SNX29: variants seen among roughly 807,000 people sequenced by gnomAD.
The protein encoded by SNX29 is sorting nexin 29, also known as sorting nexin-29.
SNX29 carries 78 observed loss-of-function variants against 102.1 expected under a neutral mutation model. That is an observed-to-expected ratio of 0.76 (90% CI 0.64 to 0.92). The LOEUF (loss-of-function observed/expected upper bound fraction) is 0.92, where lower values mean the gene tolerates loss of function less well. SNX29 is among the 40% of genes least tolerant of loss of function. The probability of loss-of-function intolerance (pLI) is 0.00; values close to 1 mark genes in which losing one functional copy is unlikely to be tolerated. For synonymous variants in SNX29, 580 were observed against 414.5 expected, an observed-to-expected ratio of 1.40 and a Z score of -4.85; for missense variants, 1,280 against 1,061.7, an observed-to-expected ratio of 1.21 and a Z score of -2.86.
chr16:12,297,633 G>A (rs1474143362), intron 15 of SNX29, among the ~76,000 whole-genome samples: 1 of 152,102 alleles, frequency 6.6e-6, no homozygotes, highest in East Asian at 1.9e-4. Context: ...GGTGATGGAT[G>A]TGTTAATTTA....
chr16:12,424,087 C>A (rs1315050040), intron 18 of SNX29, among the ~76,000 whole-genome samples: 6 of 152,210 alleles, frequency 3.9e-5, no homozygotes, highest in Non-Finnish European at 7.3e-5. Context: ...GTTAGAGCCT[C>A]AGAGGCGTGA....
chr16:12,230,712 A>C (rs1261949799), intron 14 of SNX29, among the ~76,000 whole-genome samples: 2 of 152,196 alleles, frequency 1.3e-5, no homozygotes, highest in South Asian at 2.1e-4. Flanking sequence ...ACCAAATCCA[A>C]AGTGAATACG....
In SNX29 at chr16:11,976,896, C is replaced by T. The variant is rs2055312254; in HGVS notation, c.7+83C>T. On this transcript the variant is annotated intron_variant, in intron 1 of 20. Coordinates refer to ENST00000566228, the MANE Select transcript of SNX29 (RefSeq NM_032167.5). ...AGCTGCACACTCCGGCCCCTGCGTC[C>T]TCGCGCCCCGCTCCCTCGCAGACCC... 8.6e-6 allele frequency: 11 copies of T among 1,285,768 alleles called. No homozygotes were observed. The East Asian group carries it at 3.5e-4, about 40-fold the overall frequency. The allele number at this position is 1,285,768 out of a possible 1,614,324, so 79.6% of individuals were successfully genotyped here. A position where few individuals can be genotyped will look rare whatever the true frequency, so the allele number is the denominator to read the frequency against.
At chr16:12,308,538 C>T (rs1048242371) in intron 15 of SNX29, among the ~76,000 whole-genome samples, 7 of 152,264 alleles carry the variant, frequency 4.6e-5, no homozygotes, top group Admixed American at 4.6e-4. Context: ...ATCCCTCCTT[C>T]ATGTTTGTCA....
chr16:12,567,649 C>G (rs1026581587), intron 20 of SNX29, among the ~76,000 whole-genome samples: 3 of 152,154 alleles, frequency 2.0e-5, no homozygotes, highest in African/African-American at 7.2e-5. Context: ...ATAGTCCCAG[C>G]TGCTCAGGAG....
chr16:12,198,066 G>A (rs893388008), intron 13 of SNX29, among the ~76,000 whole-genome samples: 1 of 152,184 alleles, frequency 6.6e-6, no homozygotes, highest in East Asian at 1.9e-4. Flanking sequence ...GAGGCTTACT[G>A]TGGTGCATTA....
Position 12,368,518 on chromosome 16 carries a change from G to A in SNX29, c.1899+12239G>A, listed in dbSNP as rs566967248. 2.0e-3 allele frequency among the ~76,000 whole-genome samples: 300 copies of A among 152,324 alleles called. 2 individuals are homozygous for A. The highest frequency in any genetic ancestry group is 6.8e-3 in the African/African-American group (284 of 41,562). On this transcript the variant is annotated intron_variant, in intron 16 of 20. Coordinates refer to ENST00000566228, the MANE Select transcript of SNX29 (RefSeq NM_032167.5). ...GGAAGACTACGGAGATGTAGCAGAC[G>A]TGGAAAATACAGTCCCTGCCTTTGA... is the stretch of plus-strand genomic sequence containing the variant.
Position 12,219,078 on chromosome 16 carries a change from T to G in SNX29, c.1678+19395T>G, listed in dbSNP as rs961571995. The stretch of plus-strand genomic sequence containing the variant: ...TGTGAGCCACCGCGCCTGGCCCTGT[T>G]TCCAGGTTTTTGCTACTACAAAGAG... On this transcript the variant is annotated intron_variant, in intron 14 of 20. Transcript: ENST00000566228. Among the ~76,000 whole-genome samples the G allele has an allele frequency of 3.3e-5, 5 of 152,138 alleles. No individual in the cohort carries two copies. The East Asian group carries it at 9.6e-4, about 29-fold the overall frequency.
At chr16:12,311,008 T>A (rs1055284624) in intron 15 of SNX29, among the ~76,000 whole-genome samples, 1 of 152,216 alleles carries the variant, frequency 6.6e-6, no homozygotes, top group Non-Finnish European at 1.5e-5. Flanking sequence ...GATGGGGCTT[T>A]CCTGGGAGGA....
At chr16:12,190,027 A>T (rs1312423955) in intron 13 of SNX29, among the ~76,000 whole-genome samples, 6 of 152,224 alleles carry the variant, frequency 3.9e-5, no homozygotes, top group Non-Finnish European at 1.5e-5. Context: ...TAATATATTC[A>T]GTTATTGATC....
rs527790133 is a variant in SNX29 at position 12,215,290 on chromosome 16, G to A, written c.1678+15607G>A. On this transcript the variant is annotated intron_variant, in intron 14 of 20. Coordinates refer to ENST00000566228, the MANE Select transcript of SNX29 (RefSeq NM_032167.5). Reference sequence around the variant, plus strand: ...TAGGAGGAGGGTTGCTTAAGGCCAGGAGTTTGAGACGCAATCTCTACAGAA... The same window carrying A: ...TAGGAGGAGGGTTGCTTAAGGCCAGAAGTTTGAGACGCAATCTCTACAGAA... Among the ~76,000 whole-genome samples, 19 of 149,464 alleles carry A rather than the reference G, an allele frequency of 1.3e-4. No homozygotes were observed. In the South Asian group the frequency reaches 4.0e-3, roughly 31 times the overall value.
chr16:12,444,790 G>A (rs563291784), intron 18 of SNX29, among the ~76,000 whole-genome samples: 65 of 151,468 alleles, frequency 4.3e-4, no homozygotes, highest in African/African-American at 1.5e-3. Context: ...GATCAGGGGT[G>A]AGCAAACTGT....
At chr16:12,459,827 C>T (rs1029337378) in intron 18 of SNX29, among the ~76,000 whole-genome samples, 1 of 152,102 alleles carries the variant, frequency 6.6e-6, no homozygotes. Context: ...ACCCTTGTAC[C>T]CGTCCAGTAA....
chr16:12,457,967 A>C (rs762532181), intron 18 of SNX29, among the ~76,000 whole-genome samples: 1 of 152,206 alleles, frequency 6.6e-6, no homozygotes, highest in Non-Finnish European at 1.5e-5. Flanking sequence ...TGTGCCTATC[A>C]CATCTGAAAT....
intron 19 of SNX29, among the ~76,000 whole-genome samples, chr16:12,492,323 G>A (rs1399089064): frequency 6.6e-6 from 1 of 152,144 alleles, no homozygotes; most frequent in Admixed American, 6.6e-5. Flanking sequence ...CTGCATAAAT[G>A]TCTTCTTTTG....
At chr16:12,544,088 A>G (rs759857712) in intron 20 of SNX29, among the ~76,000 whole-genome samples, 15 of 152,226 alleles carry the variant, frequency 9.9e-5, no homozygotes, top group South Asian at 4.1e-4. Flanking sequence ...GTCTTTCTGC[A>G]GACTTGGTTG....
chr16:12,310,781 T>C (rs1212470740), intron 15 of SNX29, among the ~76,000 whole-genome samples: 6 of 152,112 alleles, frequency 3.9e-5, no homozygotes, highest in Admixed American at 2.0e-4. Context: ...TGCTGTCTGC[T>C]GGTTAAACCT....
At chr16:12,557,015 A>ACCCCCCC (rs11387141) in intron 20 of SNX29, among the ~76,000 whole-genome samples, 20 of 31,796 alleles carry the variant, frequency 6.3e-4, no homozygotes, top group African/African-American at 1.2e-3. Context: ...TGGCTAATTT[A>ACCCCCCC]CCCCCCCCCC....
At chr16:12,440,224 GAA>G (rs1251122677) in intron 18 of SNX29, among the ~76,000 whole-genome samples, 2 of 152,154 alleles carry the variant, frequency 1.3e-5, no homozygotes, top group African/African-American at 4.8e-5. Flanking sequence ...AAAAACAAAA[GAA>G]AAGAGATATT....
Sources: gnomAD v4.1 joint callset for allele counts (sites outside exome capture counted in the v4.1 genomes callset) on GRCh38, gnomAD v4.1.1 for gene constraint, MANE v1.5 for transcripts, NCBI Gene and HGNC (gene_info 2026-07-23, HGNC 2026-07-21) for gene names.